Variants in PEPD observed in about 807,000 individuals in gnomAD.
The protein encoded by PEPD is xaa-Pro dipeptidase.
Under a neutral mutation model 60.7 loss-of-function variants are expected in PEPD, and 53 were observed. The observed-to-expected ratio is 0.87, with a 90% CI of 0.70 to 1.10. The LOEUF (loss-of-function observed/expected upper bound fraction) is 1.10, where lower values mean the gene tolerates loss of function less well. Among genes scored for constraint, PEPD ranks in the 50% least tolerant of loss-of-function variants. The pLI, the probability that PEPD is intolerant of heterozygous loss-of-function variation, is 0.00. For missense variants in PEPD, 711 were observed against 711.9 expected (o/e 1.00, Z 0.01); for synonymous variants, 267 against 284.1 (o/e 0.94, Z 0.60).
At position 33,466,278 on chromosome 19, in the gene PEPD, T is replaced by C. The variant is rs975548205; in HGVS notation, c.549-2216A>G. On this transcript the variant is annotated intron_variant, in intron 7 of 14. Coordinates refer to ENST00000244137, the MANE Select transcript of PEPD (RefSeq NM_000285.4). ...CAACAAAACAAAACAGATATATGTA[T>C]GAAGGCTGCATTTATTCACATGGTA... Among the ~76,000 whole-genome samples the C allele has an allele frequency of 3.3e-5, 5 of 152,218 alleles. 1 individual carries two copies. Among genetic ancestry groups the C allele is most frequent in the African/African-American group, 1.2e-4 (5 of 41,468 alleles).
chr19:33,434,695 T>C (rs1465090874), intron 9 of PEPD, among the ~76,000 whole-genome samples: 1 of 152,090 alleles, frequency 6.6e-6, no homozygotes, highest in Non-Finnish European at 1.5e-5. Flanking sequence ...CCCCATTTAC[T>C]GGGTGGGGAG....
chr19:33,452,978 AT>A (rs1568479223), intron 9 of PEPD, among the ~76,000 whole-genome samples: 1 of 152,216 alleles, frequency 6.6e-6, no homozygotes, highest in African/African-American at 2.4e-5. Context: ...AAGGAAAAAA[AT>A]ATATAGCTCA....
intron 9 of PEPD, among the ~76,000 whole-genome samples, chr19:33,462,570 C>G (rs988367808): frequency 6.6e-6 from 1 of 152,226 alleles, no homozygotes; most frequent in African/African-American, 2.4e-5. Flanking sequence ...CAATGGAGCT[C>G]TCCAGAGCTC....
At chr19:33,474,877 G>A (rs1401551162) in intron 7 of PEPD, among the ~76,000 whole-genome samples, 1 of 151,814 alleles carries the variant, frequency 6.6e-6, no homozygotes, top group African/African-American at 2.4e-5. Context: ...CTACTTGGAA[G>A]GCTGAGGTGG....
chr19:33,512,665 G>A lies in PEPD; in HGVS notation c.129C>T (p.Gly43=), dbSNP rs1174853268. The change falls in exon 2 of 15, where the codon GGC becomes GGT. Residue 43 remains glycine (G), a synonymous_variant. Coordinates refer to ENST00000244137, the MANE Select transcript of PEPD (RefSeq NM_000285.4). Reference sequence around the variant, plus strand: ...CCCCGCCCTGCAGGACCACGATGGAGCCGGCCTGCACAGCAGGGTTCTTCC... The same window carrying A: ...CCCCGCCCTGCAGGACCACGATGGAACCGGCCTGCACAGCAGGGTTCTTCC... ...RLRKNPAVQA[G]SIVVLQGGEE... is the part of the protein sequence containing the mutation. 6.2e-7 allele frequency: 1 copy of A among 1,613,890 alleles called. No homozygotes were observed. The highest frequency in any genetic ancestry group is 8.5e-7 in the Non-Finnish European group (1 of 1,179,990).
At chr19:33,434,344 G>A (rs1177859447) in intron 9 of PEPD, among the ~76,000 whole-genome samples, 1 of 152,124 alleles carries the variant, frequency 6.6e-6, no homozygotes, top group Admixed American at 6.5e-5. Context: ...TGGGGCGCCA[G>A]GCATGGAATG....
intron 9 of PEPD, among the ~76,000 whole-genome samples, chr19:33,457,853 G>A (rs8113247): frequency 0.42 from 61,949 of 146,302 alleles, 13,220 homozygotes; most frequent in African/African-American, 0.55. Flanking sequence ...AAACAAACAA[G>A]CAAACAAAAA....
At chr19:33,465,534 T>A (rs1970005909) in intron 7 of PEPD, among the ~76,000 whole-genome samples, 1 of 152,008 alleles carries the variant, frequency 6.6e-6, no homozygotes, top group African/African-American at 2.4e-5. Context: ...TGGGGGCCAC[T>A]CCAGCACCAA....
chr19:33,510,887 GC>G (rs1236840232), intron 3 of PEPD, 140 bp downstream of exon 3: 1 of 852,700 alleles, frequency 1.2e-6, no homozygotes, highest in African/African-American at 1.7e-5. Flanking sequence ...GGCTGTGACA[GC>G]CCTGACCGCA....
rs551417829 is a variant in PEPD, at chr19:33,474,424, G to C, written c.548+3622C>G. 2.6e-5 allele frequency among the ~76,000 whole-genome samples: 4 copies of C among 152,338 alleles called. No homozygotes were observed. The South Asian group carries it at 8.3e-4, about 32-fold the overall frequency. ...TACAGTGACATGTGTTAAGTGCTTA[G>C]CACAACACCTTGTACACATGGAGTC... On this transcript the variant is annotated intron_variant, in intron 7 of 14. Transcript: ENST00000244137.
At chr19:33,394,364 C>T (rs181855976) in intron 12 of PEPD, among the ~76,000 whole-genome samples, 4 of 152,360 alleles carry the variant, frequency 2.6e-5, no homozygotes, top group East Asian at 3.9e-4. Flanking sequence ...TGGCCCTTCC[C>T]GGGGGCAGGC....
chr19:33,397,589 T>C (rs1057273058), intron 12 of PEPD, among the ~76,000 whole-genome samples: 1 of 150,776 alleles, frequency 6.6e-6, no homozygotes. Context: ...GCCACACAGC[T>C]CAGTGTGGGT....
At chr19:33,401,949 G>A (rs762327395) in intron 11 of PEPD, 80 bp from the exon 12 acceptor site, 279 of 1,419,664 alleles carry the variant, frequency 2.0e-4, no homozygotes, top group Non-Finnish European at 2.7e-4. Flanking sequence ...ACCTGCCCTG[G>A]ACTCGAGGGC....
chr19:33,474,242 A>C (rs1363487530), intron 7 of PEPD, among the ~76,000 whole-genome samples: 1 of 152,242 alleles, frequency 6.6e-6, no homozygotes, highest in Non-Finnish European at 1.5e-5. Context: ...GTGCCCCCTC[A>C]GAGCTGCAAG....
intron 9 of PEPD, among the ~76,000 whole-genome samples, chr19:33,416,011 G>A (rs1005666079): frequency 9.2e-5 from 14 of 152,210 alleles, no homozygotes; most frequent in African/African-American, 2.9e-4. Context: ...GGGTGTGGAC[G>A]CACAAGGGCA....
intron 9 of PEPD, among the ~76,000 whole-genome samples, chr19:33,431,990 C>A (rs1969282941): frequency 3.9e-5 from 2 of 51,240 alleles, no homozygotes; most frequent in Non-Finnish European, 4.7e-5. Flanking sequence ...AAGACACCAC[C>A]TCAAAAAAAA....
intron 9 of PEPD, among the ~76,000 whole-genome samples, chr19:33,445,014 A>G (rs1969567268): frequency 6.6e-6 from 1 of 152,222 alleles, no homozygotes; most frequent in African/African-American, 2.4e-5. Flanking sequence ...AGTGAAGTGC[A>G]ACGCAGGCTC....
chr19:33,424,380 C>T (rs1043647945), intron 9 of PEPD, among the ~76,000 whole-genome samples: 5 of 152,248 alleles, frequency 3.3e-5, no homozygotes, highest in African/African-American at 1.2e-4. Context: ...GAGGGAGCTC[C>T]GGCTTTGGAA....
chr19:33,439,596 T>C (rs563915331), intron 9 of PEPD, among the ~76,000 whole-genome samples: 229 of 152,298 alleles, frequency 1.5e-3, no homozygotes, highest in Middle Eastern at 0.01. Flanking sequence ...TCATTTGCTT[T>C]AGCTCCTTGG....
Sources: allele counts gnomAD v4.1 joint callset (sites outside exome capture counted in the v4.1 genomes callset), GRCh38; gene constraint gnomAD v4.1.1; transcripts MANE v1.5; gene names NCBI Gene and HGNC (gene_info 2026-07-23, HGNC 2026-07-21).